Variants in CCDC88C observed in about 807,000 individuals in gnomAD.
The protein encoded by CCDC88C is protein Daple.
Under a neutral mutation model 198.8 loss-of-function variants are expected in CCDC88C, and 131 were observed. That is an observed-to-expected ratio of 0.66 (90% confidence interval 0.57 to 0.76). The LOEUF (loss-of-function observed/expected upper bound fraction) is 0.76, where lower values mean the gene tolerates loss of function less well. Among genes scored for constraint, CCDC88C ranks in the 30% least tolerant of loss-of-function variants. The pLI is 0.00. For missense variants in CCDC88C, 2,553 were observed against 2,631.6 expected, an observed-to-expected ratio of 0.97 and a Z score of 0.65; for synonymous variants, 1,166 against 1,114.7, an observed-to-expected ratio of 1.05 and a Z score of -0.92.
rs374567170 is a variant in CCDC88C, at chr14:91,297,375, C to T, written c.3896G>A (p.Arg1299His). The change falls in exon 22 of 30, where the codon CGC (arginine) becomes CAC (histidine). Residue 1299 changes from arginine to histidine, a missense_variant. This residue lies in a region of CCDC88C where 1,293 missense variants were observed against 1,219.6 expected (regional missense o/e 1.06). Coordinates refer to ENST00000389857, the MANE Select transcript of CCDC88C (RefSeq NM_001080414.4). The stretch of plus-strand genomic sequence containing the variant: ...GTGCTGCTCCTTCAGCTCGTCGAAG[C>T]GGGCCTGCCAGCGGTTGAGCTCCAG... ...AQLELNRWQA[R>H]FDELKEQHQT... 5.6e-6 allele frequency: 9 copies of T among 1,613,366 alleles called. No individual in the cohort carries two copies. Among genetic ancestry groups the T allele is most frequent in the African/African-American group, 4.0e-5 (3 of 74,906 alleles).
intron 3 of CCDC88C, among the ~76,000 whole-genome samples, chr14:91,404,987 A>C (rs1886407148): frequency 6.6e-6 from 1 of 150,394 alleles, no homozygotes; most frequent in Non-Finnish European, 1.5e-5. Context: ...AAGAGAAAAG[A>C]AAATGCAGAT....
chr14:91,405,845 G>A (rs964789353), intron 3 of CCDC88C, among the ~76,000 whole-genome samples: 4 of 152,212 alleles, frequency 2.6e-5, no homozygotes, highest in East Asian at 1.9e-4. Flanking sequence ...GAACACAAGC[G>A]TCCTGTCAGC....
intron 22 of CCDC88C, among the ~76,000 whole-genome samples, chr14:91,295,636 C>G (rs918349046): frequency 5.3e-5 from 8 of 152,222 alleles, no homozygotes; most frequent in Admixed American, 6.5e-5. Flanking sequence ...GGCAACAAAC[C>G]AACCCAATGT....
chr14:91,319,628 T>C (rs554882807), intron 13 of CCDC88C, among the ~76,000 whole-genome samples: 1 of 152,350 alleles, frequency 6.6e-6, no homozygotes, highest in African/African-American at 2.4e-5. Context: ...CCCTATTGCA[T>C]GCTTTATAAC....
chr14:91,393,623 C>T (rs12587463), intron 3 of CCDC88C, among the ~76,000 whole-genome samples: 20,610 of 152,242 alleles, frequency 0.14, 1,871 homozygotes, highest in Admixed American at 0.2. Flanking sequence ...GCCTCTGCAA[C>T]TTAGTCCATT....
At chr14:91,350,211 AGTGCAGTG>A (rs1425027295) in intron 4 of CCDC88C, among the ~76,000 whole-genome samples, 1 of 150,524 alleles carries the variant, frequency 6.6e-6, no homozygotes, top group Non-Finnish European at 1.5e-5. Flanking sequence ...CCCAGGTTGG[AGTGCAGTG>A]GCACAATTTC....
At chr14:91,365,537 A>C (rs1288497890) in intron 3 of CCDC88C, among the ~76,000 whole-genome samples, 1 of 152,188 alleles carries the variant, frequency 6.6e-6, no homozygotes. Context: ...GAAATGGTGC[A>C]TCCACTCAAC....
chr14:91,341,561 G>GA, intron 6 of CCDC88C, among the ~76,000 whole-genome samples: 1 of 152,352 alleles, frequency 6.6e-6, no homozygotes, highest in Middle Eastern at 3.4e-3. Flanking sequence ...TCACACACCA[G>GA]CTCCTGTGCA....
Position 91,371,172 on chromosome 14 carries a change from G to C in CCDC88C, c.271-11461C>G, listed in dbSNP as rs1001437189. On this transcript the variant is annotated intron_variant, in intron 3 of 29. Coordinates refer to ENST00000389857, the MANE Select transcript of CCDC88C (RefSeq NM_001080414.4). This position sits in a 1 kb window ranked among gnomAD's most constrained non-coding sequence, Gnocchi z 4.2. ...GACAGCATCGGTGCTCCAGTGCTTG[G>C]AGTTGATATAAGGGCCCTGATTTTA... Among the ~76,000 whole-genome samples the C allele has an allele frequency of 3.9e-5, 6 of 152,086 alleles. No homozygotes were observed. Among genetic ancestry groups the C allele is most frequent in the Non-Finnish European group, 5.9e-5 (4 of 68,020 alleles).
intron 3 of CCDC88C, among the ~76,000 whole-genome samples, chr14:91,376,521 AC>A (rs1329579595): frequency 6.6e-6 from 1 of 152,226 alleles, no homozygotes; most frequent in Non-Finnish European, 1.5e-5. Context: ...TGGAGAGCCC[AC>A]AGGTGGGAAC....
At chr14:91,334,766 C>G (rs1892980376) in intron 10 of CCDC88C, among the ~76,000 whole-genome samples, 1 of 152,184 alleles carries the variant, frequency 6.6e-6, no homozygotes, top group Non-Finnish European at 1.5e-5. Context: ...ATGAAGCCCA[C>G]TCAGCACTGG....
At chr14:91,312,972 G>A (rs1891903104) in intron 15 of CCDC88C, 108 bp downstream of exon 15, 1 of 809,196 alleles carries the variant, frequency 1.2e-6, no homozygotes, top group Non-Finnish European at 1.9e-6. Context: ...ATTAGATAAA[G>A]CATTTAAGGA....
At position 91,353,671 on chromosome 14, in the gene CCDC88C, C is replaced by A. The variant is rs575340858; in HGVS notation, c.340+5971G>T. Among the ~76,000 whole-genome samples the A allele has an allele frequency of 3.0e-4, 46 of 152,330 alleles. 1 individual carries two copies. Among genetic ancestry groups the A allele is most frequent in the Non-Finnish European group, 5.6e-4 (38 of 68,038 alleles). On this transcript the variant is annotated intron_variant, in intron 4 of 29. Transcript: ENST00000389857. ...TCTGCACTCAGCTGAGAAGGAAGGT[C>A]GGTCACAGCATTTTGTGCGCACAGA...
At chr14:91,304,426 A>G (rs1002150201) in intron 19 of CCDC88C, among the ~76,000 whole-genome samples, 6 of 152,214 alleles carry the variant, frequency 3.9e-5, no homozygotes, top group Non-Finnish European at 8.8e-5. Flanking sequence ...CTACAAAAAA[A>G]AAGTATTTTT....
intron 4 of CCDC88C, among the ~76,000 whole-genome samples, chr14:91,348,465 AAG>A (rs1237783685): frequency 6.6e-6 from 1 of 152,090 alleles, no homozygotes; most frequent in Admixed American, 6.5e-5. Context: ...GCGACAGAGC[AAG>A]ACCCTGTCTC....
At chr14:91,386,388 A>G (rs2139966329) in intron 3 of CCDC88C, among the ~76,000 whole-genome samples, 1 of 152,156 alleles carries the variant, frequency 6.6e-6, no homozygotes, top group South Asian at 2.1e-4. Context: ...TCAAACCCAG[A>G]AGGCAGAGGT....
intron 12 of CCDC88C, among the ~76,000 whole-genome samples, chr14:91,323,117 G>T (rs1892428690): frequency 6.6e-6 from 1 of 152,010 alleles, no homozygotes; most frequent in South Asian, 2.1e-4. Context: ...TGTTGGCCAG[G>T]CTGGTCTTGA....
chr14:91,352,134 T>C lies in CCDC88C; in HGVS notation c.340+7508A>G, dbSNP rs569257961. Among the ~76,000 whole-genome samples, 10 of 152,236 alleles carry C rather than the reference T, an allele frequency of 6.6e-5. No homozygotes were observed. In the East Asian group the frequency reaches 9.7e-4, roughly 15 times the overall value. On this transcript the variant is annotated intron_variant, in intron 4 of 29. Coordinates refer to ENST00000389857, the MANE Select transcript of CCDC88C (RefSeq NM_001080414.4). The surrounding 1 kb of genome is among the most constrained non-coding windows in gnomAD (Gnocchi z 4.2). ...CTCAAACATAAAGACCTTTGACAAA[T>C]AGCATCTCTTCCCTCCTCCGCAGAC...
chr14:91,374,423 A>G lies in CCDC88C; in HGVS notation c.271-14712T>C, dbSNP rs181420901. Among the ~76,000 whole-genome samples, 36 of 152,356 alleles carry G rather than the reference A, an allele frequency of 2.4e-4. No homozygotes were observed. The East Asian group carries it at 6.7e-3, about 29-fold the overall frequency. ...GGCTAAAGAGGTAAATATATGTCAC[A>G]TGTGTGTGTTAAGAAGCAAAATAAA... On this transcript the variant is annotated intron_variant, in intron 3 of 29. Coordinates refer to ENST00000389857, the MANE Select transcript of CCDC88C (RefSeq NM_001080414.4).
Sources: gnomAD v4.1 joint callset for allele counts (sites outside exome capture counted in the v4.1 genomes callset) on GRCh38, gnomAD v4.1.1 for gene constraint, gnomAD v4.1.1 regional missense constraint, Gnocchi (gnomAD v3.1) non-coding constraint, MANE v1.5 for transcripts, NCBI Gene and HGNC (gene_info 2026-07-23, HGNC 2026-07-21) for gene names.